The following VPS13D variants were observed in gnomAD, a reference collection of about 807,000 sequenced individuals.
VPS13D encodes intermembrane lipid transfer protein VPS13D.
Under a neutral mutation model 461.9 loss-of-function variants are expected in VPS13D, and 187 were observed. The observed-to-expected ratio is 0.40, with a 90% confidence interval of 0.36 to 0.46. The LOEUF is 0.46. VPS13D is among the 20% of genes least tolerant of loss of function. The probability of loss-of-function intolerance (pLI) is 0.60; values close to 1 mark genes in which losing one functional copy is unlikely to be tolerated. For missense variants in VPS13D, 4,711 were observed against 5,364.9 expected, an observed-to-expected ratio of 0.88 and a Z score of 3.81; for synonymous variants, 1,951 against 1,986.3, an observed-to-expected ratio of 0.98 and a Z score of 0.47.
intron 1 of VPS13D, among the ~76,000 whole-genome samples, chr1:12,232,848 G>A (rs1480104585): frequency 1.3e-5 from 2 of 151,646 alleles, no homozygotes; most frequent in African/African-American, 4.8e-5. Context: ...TAAGAACAGT[G>A]ATAAAGCACT....
At chr1:12,450,889 G>A (rs1645254822) in intron 65 of VPS13D, among the ~76,000 whole-genome samples, 1 of 152,058 alleles carries the variant, frequency 6.6e-6, no homozygotes, top group Non-Finnish European at 1.5e-5. Flanking sequence ...GTTGTATTTG[G>A]TTACCATCTT....
intron 67 of VPS13D, among the ~76,000 whole-genome samples, chr1:12,472,718 C>G (rs1270513868): frequency 6.6e-6 from 1 of 152,214 alleles, no homozygotes; most frequent in East Asian, 1.9e-4. Context: ...ATAATTTAGA[C>G]TTTTCACTAA....
At position 12,299,912 on chromosome 1, in the gene VPS13D, T is replaced by C. The variant is rs1642372350; in HGVS notation, c.6216+528T>C. On this transcript the variant is annotated intron_variant, in intron 25 of 69. Transcript: ENST00000620676. This position sits in a 1 kb window ranked among gnomAD's most constrained non-coding sequence, Gnocchi z 4.2. ...AATTACTGTGGCACCTTTTTTTTTTTTTCAACTTTTGTTTTAGATACAGGG... is the reference window on the plus strand; with the variant it reads ...AATTACTGTGGCACCTTTTTTTTTTCTTCAACTTTTGTTTTAGATACAGGG... Among the ~76,000 whole-genome samples, 1 of 152,108 alleles carries C rather than the reference T, an allele frequency of 6.6e-6. No individual in the cohort carries two copies. Among genetic ancestry groups the C allele is most frequent in the Non-Finnish European group, 1.5e-5 (1 of 68,026 alleles).
intron 60 of VPS13D, among the ~76,000 whole-genome samples, chr1:12,396,683 C>T (rs773042241): frequency 1.6e-4 from 24 of 152,106 alleles, no homozygotes; most frequent in Non-Finnish European, 2.5e-4. Flanking sequence ...ACATGTCATG[C>T]GATTCCATCC....
At chr1:12,405,709 A>G (rs1424815755) in intron 63 of VPS13D, among the ~76,000 whole-genome samples, 3 of 152,220 alleles carry the variant, frequency 2.0e-5, no homozygotes, top group Non-Finnish European at 2.9e-5. Context: ...GTTAATATCC[A>G]CAAGTATCCA....
intron 52 of VPS13D, among the ~76,000 whole-genome samples, chr1:12,365,777 T>A (rs1644026738): frequency 6.6e-6 from 1 of 152,112 alleles, no homozygotes; most frequent in African/African-American, 2.4e-5. Flanking sequence ...TATTTCAACA[T>A]GTTTAGAAGC....
At chr1:12,406,695 C>G (rs977176762) in intron 63 of VPS13D, among the ~76,000 whole-genome samples, 15 of 152,184 alleles carry the variant, frequency 9.9e-5, no homozygotes, top group African/African-American at 3.4e-4. Flanking sequence ...GCCTGACTCC[C>G]CATTCTCTCC....
At position 12,349,073 on chromosome 1, in the gene VPS13D, A is replaced by T; in HGVS notation, c.9221-91A>T. On this transcript the variant is annotated intron_variant, in intron 45 of 69. Transcript: ENST00000620676. ...AGTGGTATCTTCCCCAGCAGTCAGT[A>T]TATATGGTCTGTCTTCTTTTGTCCT... The T allele has an allele frequency of 1.2e-5, 19 of 1,609,934 alleles. No homozygotes were observed. The South Asian group carries it at 2.1e-4, about 18-fold the overall frequency.
chr1:12,452,226 A>T (rs1033303108), intron 65 of VPS13D, among the ~76,000 whole-genome samples: 1 of 152,174 alleles, frequency 6.6e-6, no homozygotes, highest in Admixed American at 6.5e-5. Context: ...GTACTTGCTC[A>T]TATCGGGACT....
intron 65 of VPS13D, among the ~76,000 whole-genome samples, chr1:12,443,422 ATGT>A (rs1481093812): frequency 1.3e-5 from 2 of 152,226 alleles, no homozygotes; most frequent in Non-Finnish European, 2.9e-5. Context: ...GCATGAACTG[ATGT>A]TGTTACAAAT....
chr1:12,449,831 C>T (rs1291540268), intron 65 of VPS13D, among the ~76,000 whole-genome samples: 3 of 152,162 alleles, frequency 2.0e-5, no homozygotes, highest in Non-Finnish European at 4.4e-5. Flanking sequence ...CTCTTCAAAA[C>T]AGTCCTTTGC....
intron 66 of VPS13D, 24 bp from the exon 67 acceptor site, chr1:12,460,177 A>G (rs1445567193): frequency 1.9e-6 from 3 of 1,548,512 alleles, no homozygotes; most frequent in East Asian, 2.4e-5. Flanking sequence ...GTCAGGTTAC[A>G]ACAGCCCTTG....
Position 12,509,322 on chromosome 1 carries a change from T to TA in VPS13D, c.*299dup. On this transcript the variant is annotated 3_prime_UTR_variant, in exon 70 of 70. Coordinates refer to ENST00000620676, the MANE Select transcript of VPS13D (RefSeq NM_015378.4). ...GATTGCCCTGTATTTTGTTAACATG[T>TA]ATATATGTACAACAGTGTGTTTGTA... 8.9e-6 allele frequency: 3 copies of TA among 338,614 alleles called. No homozygotes were observed. The highest frequency in any genetic ancestry group is 1.6e-5 in the Non-Finnish European group (3 of 184,140). 21.0% of individuals were successfully genotyped at this position (338,614 alleles called of 1,614,324 possible).
intron 47 of VPS13D, among the ~76,000 whole-genome samples, chr1:12,355,216 T>C (rs2101601335): frequency 6.6e-6 from 1 of 152,334 alleles, no homozygotes; most frequent in Middle Eastern, 3.4e-3. Flanking sequence ...AGGTCTTCAA[T>C]CTTGTCTACC....
At chr1:12,392,812 T>C (rs1644445566) in intron 60 of VPS13D, among the ~76,000 whole-genome samples, 1 of 152,274 alleles carries the variant, frequency 6.6e-6, no homozygotes, top group Non-Finnish European at 1.5e-5. Flanking sequence ...TCAAGCACCA[T>C]TGGATCTGCT....
intron 37 of VPS13D, among the ~76,000 whole-genome samples, chr1:12,332,310 C>T (rs968516396): frequency 1.3e-5 from 2 of 152,144 alleles, no homozygotes; most frequent in African/African-American, 4.8e-5. Context: ...GAATGTCTTT[C>T]AGAAGTAGAA....
intron 2 of VPS13D, among the ~76,000 whole-genome samples, chr1:12,238,043 T>A (rs1487227628): frequency 6.6e-6 from 1 of 151,694 alleles, no homozygotes; most frequent in Non-Finnish European, 1.5e-5. Flanking sequence ...TAGTCCCAGC[T>A]GCTTGGGAGG....
At chr1:12,247,637 C>T (rs1019271881) in intron 5 of VPS13D, among the ~76,000 whole-genome samples, 27 of 151,500 alleles carry the variant, frequency 1.8e-4, no homozygotes, top group Admixed American at 1.2e-3. Flanking sequence ...AATATTTTTC[C>T]GTGTATTTAC....
intron 65 of VPS13D, among the ~76,000 whole-genome samples, chr1:12,434,192 G>T (rs752460627): frequency 3.3e-5 from 5 of 152,164 alleles, no homozygotes; most frequent in African/African-American, 4.8e-5. Context: ...TTTTGCCGCA[G>T]TCTCCCTGGG....
Sources: gnomAD v4.1 joint callset for allele counts (sites outside exome capture counted in the v4.1 genomes callset) on GRCh38, gnomAD v4.1.1 for gene constraint, Gnocchi (gnomAD v3.1) non-coding constraint, MANE v1.5 for transcripts, NCBI Gene and HGNC (gene_info 2026-07-23, HGNC 2026-07-21) for gene names.